Variants in DRC8 observed in about 807,000 individuals in gnomAD.
DRC8 encodes dynein regulatory complex subunit 8.
At chr1:245,099,326 G>A in the DRC8 span, among the ~76,000 whole-genome samples, 2 of 152,154 alleles carry the variant, frequency 1.3e-5, no homozygotes, top group Non-Finnish European at 2.9e-5. Flanking sequence ...GGACTATATC[G>A]ACATGACGTT....
At chr1:244,986,878 GTC>G in the DRC8 span, among the ~76,000 whole-genome samples, 1 of 152,122 alleles carries the variant, frequency 6.6e-6, no homozygotes, top group East Asian at 1.9e-4. Context: ...AGTCAAGAGA[GTC>G]TAAACGTTTT....
the DRC8 span, among the ~76,000 whole-genome samples, chr1:244,995,880 A>G: frequency 3.3e-5 from 5 of 152,352 alleles, no homozygotes; most frequent in Admixed American, 1.3e-4. Context: ...CGGAAGGGCC[A>G]GTACTGCTTG....
the DRC8 span, among the ~76,000 whole-genome samples, chr1:244,973,316 C>T: frequency 6.6e-6 from 1 of 152,106 alleles, no homozygotes; most frequent in African/African-American, 2.4e-5. Flanking sequence ...TGGAATCACA[C>T]AAAAGAAAGG....
At chr1:244,977,494 G>GGGCAACATGCTGAGAC in the DRC8 span, among the ~76,000 whole-genome samples, 1 of 151,972 alleles carries the variant, frequency 6.6e-6, no homozygotes, top group Non-Finnish European at 1.5e-5. Context: ...AGACCAGCCT[G>GGGCAACATGCTGAGAC]GGCAACATGC....
At chr1:245,081,684 A>G in the DRC8 span, among the ~76,000 whole-genome samples, 2 of 151,464 alleles carry the variant, frequency 1.3e-5, no homozygotes, top group African/African-American at 4.9e-5. Context: ...GGCCAAGCTG[A>G]TCTTGAACTC....
At chr1:244,993,032 C>T in the DRC8 span, among the ~76,000 whole-genome samples, 28 of 152,166 alleles carry the variant, frequency 1.8e-4, no homozygotes, top group African/African-American at 6.5e-4. Flanking sequence ...GGCCACTTGA[C>T]TGTACATGCA....
the DRC8 span, among the ~76,000 whole-genome samples, chr1:245,114,045 G>A: frequency 6.6e-6 from 1 of 152,240 alleles, no homozygotes; most frequent in Non-Finnish European, 1.5e-5. Flanking sequence ...AAAGGAAAAG[G>A]AAGCAATTCA....
At chr1:245,118,747 G>T in the DRC8 span, among the ~76,000 whole-genome samples, 1 of 146,358 alleles carries the variant, frequency 6.8e-6, no homozygotes, top group Non-Finnish European at 1.5e-5. Context: ...AGCCAAGATC[G>T]CACCACTGCA....
At chr1:244,983,015 A>C in the DRC8 span, among the ~76,000 whole-genome samples, 1 of 152,086 alleles carries the variant, frequency 6.6e-6, no homozygotes, top group Non-Finnish European at 1.5e-5. Context: ...GGTTGCAATG[A>C]GCTGATATCG....
chr1:245,069,914 G>A, the DRC8 span, among the ~76,000 whole-genome samples: 9 of 152,062 alleles, frequency 5.9e-5, no homozygotes, highest in Non-Finnish European at 8.8e-5. Flanking sequence ...GCTTGGTGGT[G>A]TGTGCCTATA....
chr1:245,081,441 G>A, the DRC8 span, among the ~76,000 whole-genome samples: 2,361 of 151,964 alleles, frequency 0.016, 50 homozygotes, highest in African/African-American at 0.054. Context: ...GATTACAGGC[G>A]TGAGCCATCG....
the DRC8 span, among the ~76,000 whole-genome samples, chr1:245,067,391 T>A: frequency 6.6e-6 from 1 of 152,220 alleles, no homozygotes; most frequent in African/African-American, 2.4e-5. Context: ...CAGTTTTTTT[T>A]ATATCTGTGG....
the DRC8 span, among the ~76,000 whole-genome samples, chr1:244,993,814 G>A: frequency 2.0e-5 from 3 of 152,204 alleles, no homozygotes; most frequent in Admixed American, 1.3e-4. Context: ...TATAACATAC[G>A]TGCTCCTAAG....
At chr1:245,058,153 A>G in the DRC8 span, among the ~76,000 whole-genome samples, 125 of 152,256 alleles carry the variant, frequency 8.2e-4, 2 homozygotes, top group East Asian at 0.023. Flanking sequence ...AGGTGGGAGG[A>G]TCACCTGAGT....
the DRC8 span, among the ~76,000 whole-genome samples, chr1:244,989,554 G>A: frequency 6.6e-6 from 1 of 152,130 alleles, no homozygotes; most frequent in African/African-American, 2.4e-5. Flanking sequence ...TCAAGGTTAT[G>A]TACTATTAAT....
chr1:245,117,350 G>A, the DRC8 span, among the ~76,000 whole-genome samples: 21 of 151,754 alleles, frequency 1.4e-4, no homozygotes, highest in African/African-American at 2.9e-4. Flanking sequence ...CACCGTGCCC[G>A]GCCTGGTTTC....
At chr1:245,014,218 T>C in the DRC8 span, among the ~76,000 whole-genome samples, 1 of 152,082 alleles carries the variant, frequency 6.6e-6, no homozygotes, top group African/African-American at 2.4e-5. Flanking sequence ...TTCAAACAAC[T>C]GACCTGGAAA....
the DRC8 span, among the ~76,000 whole-genome samples, chr1:244,986,554 G>T: frequency 1.3e-5 from 2 of 152,092 alleles, no homozygotes; most frequent in African/African-American, 2.4e-5. Context: ...ACAGGGAAAT[G>T]ATACAATTCA....
chr1:245,034,600 CAAAAAAAA>C, the DRC8 span, among the ~76,000 whole-genome samples: 7 of 39,490 alleles, frequency 1.8e-4, no homozygotes, highest in African/African-American at 6.7e-4. Flanking sequence ...GACTCCATCT[CAAAAAAAA>C]AAAAAAAAAA....
Sources: allele counts gnomAD v4.1 joint callset (sites outside exome capture counted in the v4.1 genomes callset), GRCh38; gene constraint gnomAD v4.1.1; transcripts MANE v1.5; gene names NCBI Gene and HGNC (gene_info 2026-07-23, HGNC 2026-07-21).